The following VARS1 variants were observed in gnomAD, a reference collection of about 807,000 sequenced individuals.
VARS1 encodes the protein valine--tRNA ligase.
In VARS1, 92 loss-of-function variants were observed where a neutral mutation model predicts 161.0. The observed-to-expected ratio is 0.57, with a 90% CI of 0.48 to 0.68. The LOEUF is 0.68. Among genes scored for constraint, VARS1 ranks in the 30% least tolerant of loss-of-function variants. The pLI is 0.00. For synonymous variants in VARS1, 595 were observed against 682.5 expected, an observed-to-expected ratio of 0.87 and a Z score of 2.00; for missense variants, 1,338 against 1,695.9, an observed-to-expected ratio of 0.79 and a Z score of 3.71.
chr6:31,781,277 A>C lies in VARS1; in HGVS notation c.2545-154T>G. On this transcript the variant is annotated intron_variant, in intron 21 of 29. Transcript: ENST00000375663. This position sits in a 1 kb window ranked among gnomAD's most constrained non-coding sequence, Gnocchi z 6.8. Reference sequence around the variant, plus strand: ...GTTGAGCGCCTTTATGTGAATCAGAAGCACTCCTTCCTCTGGGAAGATGAA... The same window carrying C: ...GTTGAGCGCCTTTATGTGAATCAGACGCACTCCTTCCTCTGGGAAGATGAA... 8.5e-7 allele frequency: 1 copy of C among 1,170,158 alleles called. No individual in the cohort carries two copies. The highest frequency in any genetic ancestry group is 1.4e-5 in the South Asian group (1 of 69,332). 72.5% of individuals were successfully genotyped at this position (1,170,158 alleles called of 1,614,324 possible). A position where few individuals can be genotyped will look rare whatever the true frequency, so the allele number is the denominator to read the frequency against.
In VARS1 at chr6:31,778,994, G is replaced by C. The variant is rs149834599; in HGVS notation, c.3699C>G (p.Leu1233=). ...AASGYPVKVP[L]EVQEADEAKL... is the part of the protein sequence containing the mutation. ...TGGCTTCATCTGCCTCCTGGACTTCGAGCGGCACCTTGACAGGATAGCCCG... is the reference window on the plus strand; with the variant it reads ...TGGCTTCATCTGCCTCCTGGACTTCCAGCGGCACCTTGACAGGATAGCCCG... Residue 1233 remains leucine, a synonymous_variant, in exon 29 of 30, where the codon CTC becomes CTG. Transcript: ENST00000375663. This position sits in a 1 kb window ranked among gnomAD's most constrained non-coding sequence, Gnocchi z 5.1. The C allele has an allele frequency of 7.4e-6, 12 of 1,612,930 alleles. No homozygotes were observed. Among genetic ancestry groups the C allele is most frequent in the East Asian group, 4.5e-5 (2 of 44,904 alleles).
rs1283452881 is a variant in VARS1 at position 31,784,276 on chromosome 6, G to A, written c.1609C>T (p.Arg537Trp). 3 of 1,614,060 alleles carry A rather than the reference G, an allele frequency of 1.9e-6. No homozygotes were observed. Among genetic ancestry groups the A allele is most frequent in the Admixed American group, 1.7e-5 (1 of 60,008 alleles). The change falls in exon 13 of 30, where the codon CGG (arginine) becomes TGG (tryptophan). Residue 537 changes from arginine (R) to tryptophan (W), a missense_variant. Arg to Trp is a moderately radical substitution (Grantham distance 101). This residue lies in a region of VARS1 where 902 missense variants were observed against 1,090.3 expected (regional missense o/e 0.83). Coordinates refer to ENST00000375663, the MANE Select transcript of VARS1 (RefSeq NM_006295.3). The surrounding 1 kb of genome is among the most constrained non-coding windows in gnomAD (Gnocchi z 6.1). ...SDEEVVVATTRIETMLGDVAV... is the reference protein window; with the variant it reads ...SDEEVVVATTWIETMLGDVAV... The stretch of plus-strand genomic sequence containing the variant: ...ACATCTCCCAGCATTGTCTCGATCC[G>A]AGTTGTTGCCACCACCACCTCCTCG...
chr6:31,783,149 G>A lies in VARS1; in HGVS notation c.1709C>T (p.Ser570Phe). 6.2e-7 allele frequency: 1 copy of A among 1,612,858 alleles called. No homozygotes were observed. The highest frequency in any genetic ancestry group is 8.5e-7 in the Non-Finnish European group (1 of 1,179,980). The change falls in exon 14 of 30, where the codon TCT (serine) becomes TTT (phenylalanine). Residue 570 changes from serine to phenylalanine, a missense_variant. By Grantham distance (155) the Ser-to-Phe change is radical (BLOSUM62 -2). Transcript: ENST00000375663. ...ATCGAAGACAATGGGAAGGCTCCGA[G>A]ACAGGAATGGGTGGATCACGTTCTT... Reference protein sequence around the residue: ...KGKNVIHPFLSRSLPIVFDEF... With the variant: ...KGKNVIHPFLFRSLPIVFDEF...
In VARS1 at chr6:31,783,150, A is replaced by C. The variant is rs1813271962; in HGVS notation, c.1708T>G (p.Ser570Ala). The C allele has an allele frequency of 2.5e-6, 4 of 1,612,826 alleles. No individual in the cohort carries two copies. The highest frequency in any genetic ancestry group is 3.4e-6 in the Non-Finnish European group (4 of 1,179,956). Reference protein sequence around the residue: ...KGKNVIHPFLSRSLPIVFDEF... With the variant: ...KGKNVIHPFLARSLPIVFDEF... ...TCGAAGACAATGGGAAGGCTCCGAGACAGGAATGGGTGGATCACGTTCTTC... is the reference window on the plus strand; with the variant it reads ...TCGAAGACAATGGGAAGGCTCCGAGCCAGGAATGGGTGGATCACGTTCTTC... Residue 570 changes from serine to alanine, a missense_variant, in exon 14 of 30, where the codon TCT becomes GCT. Coordinates refer to ENST00000375663, the MANE Select transcript of VARS1 (RefSeq NM_006295.3).
chr6:31,788,173 G>A (rs954404182), intron 8 of VARS1, among the ~76,000 whole-genome samples: 3 of 151,692 alleles, frequency 2.0e-5, no homozygotes, highest in Non-Finnish European at 2.9e-5. Flanking sequence ...AAACACAAAC[G>A]CAAACAACTT....
Position 31,781,225 on chromosome 6 carries a change from G to A in VARS1, c.2545-102C>T. 1 of 1,384,808 alleles carries A rather than the reference G, an allele frequency of 7.2e-7. No homozygotes were observed. The allele number at this position is 1,384,808 out of a possible 1,614,324, so 85.8% of individuals were successfully genotyped here. A position where few individuals can be genotyped will look rare whatever the true frequency, so the allele number is the denominator to read the frequency against. Reference sequence around the variant, plus strand: ...CTGGTCTACCCCACTGTGAACCTCAGGTCCCACTGAGTGTCCCCAAGAGCT... The same window carrying A: ...CTGGTCTACCCCACTGTGAACCTCAAGTCCCACTGAGTGTCCCCAAGAGCT... On this transcript the variant is annotated intron_variant, in intron 21 of 29. Transcript: ENST00000375663. This position sits in a 1 kb window ranked among gnomAD's most constrained non-coding sequence, Gnocchi z 6.8.
At chr6:31,787,311 C>T (rs1813570715) in intron 8 of VARS1, among the ~76,000 whole-genome samples, 1 of 151,958 alleles carries the variant, frequency 6.6e-6, no homozygotes, top group Non-Finnish European at 1.5e-5. Flanking sequence ...ATTTAAACCA[C>T]GTTCACTGGA....
rs896350261 is a variant in VARS1 at position 31,793,052 on chromosome 6, C to T, written c.456G>A (p.Leu152=). Residue 152 remains leucine, a synonymous_variant, in exon 3 of 30, where the codon TTG becomes TTA. Transcript: ENST00000375663. The stretch of plus-strand genomic sequence containing the variant: ...CAGCCAGAGTGGGGGCCTCCCCGGC[C>T]AAGTAGGTGTGCAGCCGAAGCCACT... The part of the protein sequence containing the change: ...LEEWLRLHTY[L]AGEAPTLADL... 1 of 1,612,894 alleles carries T rather than the reference C, an allele frequency of 6.2e-7. No individual in the cohort carries two copies. The highest frequency in any genetic ancestry group is 8.5e-7 in the Non-Finnish European group (1 of 1,180,024).
chr6:31,782,695 G>A lies in VARS1; in HGVS notation c.1887+26C>T. ...GCCATCCCTCCATCTCCCTGACCCGGGCACTCTTGCCTCAGGCAGCCTCAC... is the reference window on the plus strand; with the variant it reads ...GCCATCCCTCCATCTCCCTGACCCGAGCACTCTTGCCTCAGGCAGCCTCAC... On this transcript the variant is annotated intron_variant, in intron 15 of 29. Transcript: ENST00000375663. This position sits in a 1 kb window ranked among gnomAD's most constrained non-coding sequence, Gnocchi z 8.3. 1 of 1,613,004 alleles carries A rather than the reference G, an allele frequency of 6.2e-7. No individual in the cohort carries two copies. The highest frequency in any genetic ancestry group is 8.5e-7 in the Non-Finnish European group (1 of 1,179,964).
At chr6:31,786,511 A>G (rs757107242) in intron 8 of VARS1, among the ~76,000 whole-genome samples, 10 of 151,836 alleles carry the variant, frequency 6.6e-5, no homozygotes, top group Non-Finnish European at 1.5e-4. Context: ...TACCAAAAAT[A>G]TAAAAATTAG....
chr6:31,783,276 G>C (rs915419942), intron 13 of VARS1, 90 bp from the exon 14 acceptor site: 1 of 1,381,558 alleles, frequency 7.2e-7, no homozygotes, highest in African/African-American at 1.5e-5. Context: ...AGGCTGAGGT[G>C]GGCAGATCAC....
At chr6:31,790,565 G>A (rs1489985628) in intron 8 of VARS1, among the ~76,000 whole-genome samples, 1 of 115,456 alleles carries the variant, frequency 8.7e-6, no homozygotes, top group Non-Finnish European at 1.6e-5. Context: ...TCATGCCACT[G>A]TACTCCAGCC....
chr6:31,781,231 A>G lies in VARS1; in HGVS notation c.2545-108T>C. ...TACCCCACTGTGAACCTCAGGTCCC[A>G]CTGAGTGTCCCCAAGAGCTCGTTGA... is the stretch of plus-strand genomic sequence containing the variant. On this transcript the variant is annotated intron_variant, in intron 21 of 29. Coordinates refer to ENST00000375663, the MANE Select transcript of VARS1 (RefSeq NM_006295.3). The surrounding 1 kb of genome is among the most constrained non-coding windows in gnomAD (Gnocchi z 6.8). The G allele has an allele frequency of 7.4e-7, 1 of 1,344,356 alleles. No individual in the cohort carries two copies. Among genetic ancestry groups the G allele is most frequent in the Non-Finnish European group, 1.0e-6 (1 of 962,762 alleles). The allele number at this position is 1,344,356 out of a possible 1,614,324, so 83.3% of individuals were successfully genotyped here.
In VARS1 at chr6:31,784,670, C is replaced by G; in HGVS notation, c.1392G>C (p.Glu464Asp). The change falls in exon 11 of 30, where the codon GAG (glutamate) becomes GAC (aspartate). Residue 464 changes from glutamate to aspartate, a missense_variant. Coordinates refer to ENST00000375663, the MANE Select transcript of VARS1 (RefSeq NM_006295.3). This position sits in a 1 kb window ranked among gnomAD's most constrained non-coding sequence, Gnocchi z 6.1. ...GGGTACTGCGATAGATGATGCCTTCCTCGTGAAGCCGGACAAAGGCCTCTG... is the reference window on the plus strand; with the variant it reads ...GGGTACTGCGATAGATGATGCCTTCGTCGTGAAGCCGGACAAAGGCCTCTG... ...AVTEAFVRLHEEGIIYRSTRL... is the reference protein window; with the variant it reads ...AVTEAFVRLHDEGIIYRSTRL... The G allele has an allele frequency of 6.2e-7, 1 of 1,613,008 alleles. No individual in the cohort carries two copies. Among genetic ancestry groups the G allele is most frequent in the East Asian group, 2.2e-5 (1 of 44,860 alleles).
In VARS1 at chr6:31,780,451, G is replaced by A. The variant is rs1401631657; in HGVS notation, c.2915C>T (p.Pro972Leu). ...RGLGKGFVPS[P>L]TSQPGGHESL... The stretch of plus-strand genomic sequence containing the variant: ...CCACCAGGCCCTTACCTGGGAGGTG[G>A]GTGAGGGCACAAAACCCTTCCCAAG... Residue 972 changes from proline to leucine, a missense_variant, in exon 25 of 30, where the codon CCC becomes CTC. Pro to Leu is a moderately conservative substitution (Grantham distance 98). This residue lies in a region of VARS1 where 433 missense variants were observed against 586.2 expected (regional missense o/e 0.74). Coordinates refer to ENST00000375663, the MANE Select transcript of VARS1 (RefSeq NM_006295.3). The surrounding 1 kb of genome is among the most constrained non-coding windows in gnomAD (Gnocchi z 5.1). 6.2e-7 allele frequency: 1 copy of A among 1,613,246 alleles called. No individual in the cohort carries two copies. Among genetic ancestry groups the A allele is most frequent in the Non-Finnish European group, 8.5e-7 (1 of 1,179,678 alleles).
At position 31,780,724 on chromosome 6, in the gene VARS1, T is replaced by C. The variant is rs755222940; in HGVS notation, c.2778A>G (p.Leu926=). ...ECGTDALRFG[L]CAYMSQGRDI... ...CCATACCCTGGGACATGTAGGCACA[T>C]AATCCAAACCGGAGAGCATCGGTGC... The change falls in exon 24 of 30, where the codon TTA becomes TTG. Residue 926 remains leucine, a synonymous_variant. Transcript: ENST00000375663. The surrounding 1 kb of genome is among the most constrained non-coding windows in gnomAD (Gnocchi z 5.1). 3 of 1,614,132 alleles carry C rather than the reference T, an allele frequency of 1.9e-6. No homozygotes were observed. The highest frequency in any genetic ancestry group is 2.5e-6 in the Non-Finnish European group (3 of 1,180,008).
intron 6 of VARS1, 71 bp from the exon 7 acceptor site, chr6:31,792,042 AG>A: frequency 6.7e-7 from 1 of 1,482,284 alleles, no homozygotes; most frequent in Non-Finnish European, 9.1e-7. Flanking sequence ...GCTGGCAGAG[AG>A]GGATCGGGAT....
Position 31,781,423 on chromosome 6 carries a change from C to G in VARS1, c.2544+58G>C. On this transcript the variant is annotated intron_variant, in intron 21 of 29. Transcript: ENST00000375663. This position sits in a 1 kb window ranked among gnomAD's most constrained non-coding sequence, Gnocchi z 6.8. The stretch of plus-strand genomic sequence containing the variant: ...CAGCCACGCGGGGTCTGCGCTGCAG[C>G]ACAGGACGGTAGGAGAGGAGGCTGG... 1 of 1,595,276 alleles carries G rather than the reference C, an allele frequency of 6.3e-7. No homozygotes were observed. The highest frequency in any genetic ancestry group is 8.5e-7 in the Non-Finnish European group (1 of 1,173,562).
rs1046699195 is a variant in VARS1, at chr6:31,795,168, C to T, written c.50G>A (p.Arg17Gln). Residue 17 changes from arginine to glutamine, a missense_variant, in exon 2 of 30, where the codon CGA becomes CAA. Arg to Gln is a conservative substitution (Grantham distance 43). Around this residue, in one of 3 missense-constraint regions of VARS1, gnomAD observed 902 missense variants for 1,090.3 expected, o/e 0.83. Coordinates refer to ENST00000375663, the MANE Select transcript of VARS1 (RefSeq NM_006295.3). This position sits in a 1 kb window ranked among gnomAD's most constrained non-coding sequence, Gnocchi z 6.9. ...SPHPDAFPSL[R>Q]ALIAARYGEA... ...CCCATAGCGAGCGGCTATGAGGGCT[C>T]GGAGGCTGGGGAAGGCATCTGGGTG... 3 of 1,473,922 alleles carry T rather than the reference C, an allele frequency of 2.0e-6. No individual in the cohort carries two copies. Among genetic ancestry groups the T allele is most frequent in the Non-Finnish European group, 2.7e-6 (3 of 1,111,924 alleles). 91.3% of individuals were successfully genotyped at this position (1,473,922 alleles called of 1,614,324 possible).
Sources: gnomAD v4.1 joint callset for allele counts (sites outside exome capture counted in the v4.1 genomes callset) on GRCh38, gnomAD v4.1.1 for gene constraint, gnomAD v4.1.1 regional missense constraint, Gnocchi (gnomAD v3.1) non-coding constraint, MANE v1.5 for transcripts, NCBI Gene and HGNC (gene_info 2026-07-23, HGNC 2026-07-21) for gene names.